The following NKAIN3 variants were observed in gnomAD, a reference collection of about 807,000 sequenced individuals.
The protein encoded by NKAIN3 is sodium/potassium-transporting ATPase subunit beta-1-interacting protein 3.
Under a neutral mutation model 30.2 loss-of-function variants are expected in NKAIN3, and 25 were observed. The observed-to-expected ratio is 0.83, with a 90% CI of 0.60 to 1.16. The LOEUF (loss-of-function observed/expected upper bound fraction) is 1.16. Among genes scored for constraint, NKAIN3 ranks in the 50% most tolerant of loss-of-function variants. The probability of loss-of-function intolerance (pLI) is 0.00; values close to 1 mark genes in which losing one functional copy is unlikely to be tolerated. For synonymous variants in NKAIN3, 91 were observed against 89.6 expected, an observed-to-expected ratio of 1.02 and a Z score of -0.09; for missense variants, 225 against 254.1, an observed-to-expected ratio of 0.89 and a Z score of 0.78.
intron 1 of NKAIN3, among the ~76,000 whole-genome samples, chr8:62,400,658 G>A (rs923903379): frequency 1.1e-4 from 17 of 151,780 alleles, no homozygotes; most frequent in African/African-American, 3.6e-4. Context: ...CATCTTTGAA[G>A]GATAGTTTCA....
chr8:62,269,112 C>G (rs1026810624), intron 1 of NKAIN3, among the ~76,000 whole-genome samples: 1 of 152,014 alleles, frequency 6.6e-6, no homozygotes, highest in Non-Finnish European at 1.5e-5. Flanking sequence ...ATGTAATGTG[C>G]GGGAGATGTA....
At chr8:62,418,774 C>A (rs1036512025) in intron 1 of NKAIN3, among the ~76,000 whole-genome samples, 1 of 152,124 alleles carries the variant, frequency 6.6e-6, no homozygotes, top group African/African-American at 2.4e-5. Context: ...TCTCTGCCCC[C>A]ATTGTTAAGC....
At chr8:62,546,449 G>A (rs942711091) in intron 1 of NKAIN3, among the ~76,000 whole-genome samples, 9 of 152,198 alleles carry the variant, frequency 5.9e-5, no homozygotes, top group African/African-American at 2.2e-4. Flanking sequence ...GAGGTGGCAT[G>A]TAAGTAGCTA....
intron 4 of NKAIN3, among the ~76,000 whole-genome samples, chr8:62,783,792 T>C (rs1055653632): frequency 6.6e-6 from 1 of 151,818 alleles, no homozygotes; most frequent in Non-Finnish European, 1.5e-5. Context: ...GCAGCTAAAT[T>C]TTTTATTTTT....
intron 4 of NKAIN3, among the ~76,000 whole-genome samples, chr8:62,887,317 C>A (rs1821175641): frequency 6.6e-6 from 1 of 151,528 alleles, no homozygotes; most frequent in Non-Finnish European, 1.5e-5. Context: ...TCTGTATCTA[C>A]CTGCTTCTCT....
In NKAIN3 at chr8:62,701,978, G is replaced by T. The variant is rs546029929; in HGVS notation, c.274-44954G>T. Among the ~76,000 whole-genome samples the T allele has an allele frequency of 6.6e-5, 10 of 152,238 alleles. No individual in the cohort carries two copies. In the South Asian group the frequency reaches 2.1e-3, roughly 32 times the overall value. On this transcript the variant is annotated intron_variant, in intron 3 of 6. Transcript: ENST00000623646. ...GGGGGCGTCTTTTTCCTCGAATTGC[G>T]CTAGGGCTCCCCAGCGGCTAACAGT...
chr8:62,480,910 C>G (rs1211047282), intron 1 of NKAIN3, among the ~76,000 whole-genome samples: 1 of 152,054 alleles, frequency 6.6e-6, no homozygotes, highest in African/African-American at 2.4e-5. Context: ...CTTCAGGGAT[C>G]TGAAAAGAGG....
intron 1 of NKAIN3, among the ~76,000 whole-genome samples, chr8:62,556,956 G>A (rs140561143): frequency 2.4e-4 from 36 of 151,432 alleles, no homozygotes; most frequent in Middle Eastern, 3.4e-3. Flanking sequence ...TTTTTATTTC[G>A]GTAGGTTATT....
chr8:62,352,484 T>A (rs1816212211), intron 1 of NKAIN3, among the ~76,000 whole-genome samples: 1 of 152,050 alleles, frequency 6.6e-6, no homozygotes, highest in African/African-American at 2.4e-5. Context: ...AGCCAATGAA[T>A]CAAATAAAAA....
At chr8:62,500,466 AAAG>A (rs1563427386) in intron 1 of NKAIN3, among the ~76,000 whole-genome samples, 21 of 140,542 alleles carry the variant, frequency 1.5e-4, no homozygotes, top group Middle Eastern at 3.5e-3. Context: ...AGAAAGAAAG[AAAG>A]AAAGAAAGAA....
intron 1 of NKAIN3, among the ~76,000 whole-genome samples, chr8:62,385,294 G>T (rs1412061097): frequency 6.6e-6 from 1 of 152,088 alleles, no homozygotes; most frequent in African/African-American, 2.4e-5. Flanking sequence ...CATAACCCTG[G>T]AGGGTACAAC....
At chr8:62,881,569 T>C (rs984306544) in intron 4 of NKAIN3, among the ~76,000 whole-genome samples, 13 of 152,178 alleles carry the variant, frequency 8.5e-5, no homozygotes, top group African/African-American at 3.1e-4. Context: ...GCAATAGTCT[T>C]CGTAGCTAGT....
chr8:62,625,498 A>G (rs1339931617), intron 3 of NKAIN3, among the ~76,000 whole-genome samples: 1 of 152,056 alleles, frequency 6.6e-6, no homozygotes, highest in African/African-American at 2.4e-5. Flanking sequence ...TTTCTGATCC[A>G]TTTAAGTTTT....
At chr8:62,852,598 T>C (rs1308407192) in intron 4 of NKAIN3, among the ~76,000 whole-genome samples, 1 of 152,200 alleles carries the variant, frequency 6.6e-6, no homozygotes, top group Non-Finnish European at 1.5e-5. Context: ...TTCAGTGCTA[T>C]AAATTTCCCT....
intron 1 of NKAIN3, among the ~76,000 whole-genome samples, chr8:62,340,614 G>T (rs2129590928): frequency 1.3e-5 from 2 of 152,084 alleles, no homozygotes. Flanking sequence ...TGCAGTAATG[G>T]CCAAAAAGCA....
intron 2 of NKAIN3, among the ~76,000 whole-genome samples, chr8:62,580,963 C>T (rs1810270962): frequency 6.8e-6 from 1 of 147,470 alleles, no homozygotes; most frequent in Non-Finnish European, 1.5e-5. Flanking sequence ...AAAAAGTAGC[C>T]AGACATTGGG....
intron 4 of NKAIN3, among the ~76,000 whole-genome samples, chr8:62,837,352 G>GTT (rs1480131896): frequency 6.6e-6 from 1 of 152,110 alleles, no homozygotes; most frequent in Non-Finnish European, 1.5e-5. Flanking sequence ...CTGAACCATA[G>GTT]TTTGGAAATT....
chr8:62,613,889 T>C (rs936603796), intron 3 of NKAIN3, among the ~76,000 whole-genome samples: 1 of 152,176 alleles, frequency 6.6e-6, no homozygotes, highest in Non-Finnish European at 1.5e-5. Context: ...ATCACTTTGT[T>C]AAATTTATTG....
At chr8:62,322,430 G>T (rs966322306) in intron 1 of NKAIN3, among the ~76,000 whole-genome samples, 1 of 151,954 alleles carries the variant, frequency 6.6e-6, no homozygotes, top group East Asian at 1.9e-4. Context: ...CACACTGGGA[G>T]CTGTAGACTG....
Sources: gnomAD v4.1 joint callset for allele counts (sites outside exome capture counted in the v4.1 genomes callset) on GRCh38, gnomAD v4.1.1 for gene constraint, MANE v1.5 for transcripts, NCBI Gene and HGNC (gene_info 2026-07-23, HGNC 2026-07-21) for gene names.